Variants in CDV3 observed in about 807,000 individuals in gnomAD.
The protein encoded by CDV3 is CDV3 homolog.
CDV3 carries 14 observed loss-of-function variants against 24.5 expected under a neutral mutation model. The observed-to-expected ratio is 0.57, with a 90% CI of 0.38 to 0.89. CDV3 has a LOEUF of 0.89. Among genes scored for constraint, CDV3 ranks in the 40% least tolerant of loss-of-function variants. The probability of loss-of-function intolerance (pLI) is 0.00; values close to 1 mark genes in which losing one functional copy is unlikely to be tolerated. For synonymous variants in CDV3, 114 were observed against 114.1 expected (o/e 1.00, Z 0.00); for missense variants, 304 against 310.2 (o/e 0.98, Z 0.15).
At chr3:133,575,294 C>T (rs1396748811) in intron 2 of CDV3, among the ~76,000 whole-genome samples, 179 bp downstream of exon 2, 1 of 152,202 alleles carries the variant, frequency 6.6e-6, no homozygotes, top group Non-Finnish European at 1.5e-5. Flanking sequence ...CTTCCGTGTG[C>T]TCATGAAATT....
intron 1 of CDV3, 155 bp downstream of exon 1, chr3:133,574,439 G>A: frequency 2.0e-6 from 2 of 985,572 alleles, no homozygotes; most frequent in Non-Finnish European, 1.2e-6. Context: ...ACCTCGGGCT[G>A]GGCTCGCCAG....
At position 133,584,083 on chromosome 3, in the gene CDV3, T is replaced by A; in HGVS notation, c.399T>A (p.Gly133=). ...AAGAAGGTGGAGGTGGTGGTGGAGG[T>A]ATGGAAAAATCTTCAGGTCCCTGGA... The part of the protein sequence containing the change: ...NWEEGGGGGG[G]MEKSSGPWNK... Residue 133 remains glycine (G), a synonymous_variant, in exon 3 of 5, where the codon GGT becomes GGA. Coordinates refer to ENST00000264993, the MANE Select transcript of CDV3 (RefSeq NM_017548.5). 1 of 1,611,282 alleles carries A rather than the reference T, an allele frequency of 6.2e-7. No homozygotes were observed. The highest frequency in any genetic ancestry group is 8.5e-7 in the Non-Finnish European group (1 of 1,177,702).
chr3:133,580,189 C>T (rs1241908737), intron 2 of CDV3, among the ~76,000 whole-genome samples: 1 of 150,766 alleles, frequency 6.6e-6, no homozygotes, highest in African/African-American at 2.4e-5. Flanking sequence ...TCTCATTGTT[C>T]AACTCCCACT....
chr3:133,584,639 CAG>C (rs969152362), intron 3 of CDV3, among the ~76,000 whole-genome samples: 19 of 152,128 alleles, frequency 1.2e-4, no homozygotes, highest in African/African-American at 4.1e-4. Flanking sequence ...TGAGTAAAGA[CAG>C]AAAGACAAGG....
At chr3:133,586,408 C>G (rs1028376001) in intron 3 of CDV3, among the ~76,000 whole-genome samples, 155 bp from the exon 4 acceptor site, 3 of 152,336 alleles carry the variant, frequency 2.0e-5, no homozygotes, top group Admixed American at 1.3e-4. Flanking sequence ...TTTTCACTTT[C>G]AGACATTTTC....
intron 2 of CDV3, among the ~76,000 whole-genome samples, chr3:133,579,753 T>C (rs1026899610): frequency 6.6e-6 from 1 of 152,094 alleles, no homozygotes; most frequent in Admixed American, 6.6e-5. Flanking sequence ...CCACCACGCC[T>C]AGCTAATTTT....
At chr3:133,574,664 C>T in intron 1 of CDV3, 1 of 1,030,606 alleles carries the variant, frequency 9.7e-7, no homozygotes, top group Non-Finnish European at 1.2e-6. Flanking sequence ...TCGCTTTCAG[C>T]AGCCGCATTT....
chr3:133,587,642 G>A, intron 4 of CDV3: 1 of 1,181,964 alleles, frequency 8.5e-7, no homozygotes, highest in Non-Finnish European at 1.0e-6. Context: ...TTTTCTTCAA[G>A]TTTGTCCTGA....
Position 133,574,178 on chromosome 3 carries a change from C to T in CDV3, c.134C>T (p.Ala45Val), listed in dbSNP as rs755927202. The T allele has an allele frequency of 2.0e-5, 21 of 1,039,352 alleles. No homozygotes were observed. The highest frequency in any genetic ancestry group is 2.4e-5 in the Non-Finnish European group (21 of 868,438). The allele number at this position is 1,039,352 out of a possible 1,614,324, so 64.4% of individuals were successfully genotyped here. A position where few individuals can be genotyped will look rare whatever the true frequency, so the allele number is the denominator to read the frequency against. The change falls in exon 1 of 5, where the codon GCG becomes GTG. Residue 45 changes from alanine to valine, a missense_variant. By Grantham distance (64) the Ala-to-Val change is moderately conservative. Coordinates refer to ENST00000264993, the MANE Select transcript of CDV3 (RefSeq NM_017548.5). ...AGSAGGSSGAAGAAGGGAGAG... is the reference protein window; with the variant it reads ...AGSAGGSSGAVGAAGGGAGAG... ...AGCGCCGGCGGAAGCAGTGGAGCCG[C>T]GGGTGCGGCGGGCGGCGGGGCGGGC... is the stretch of plus-strand genomic sequence containing the variant.
intron 2 of CDV3, among the ~76,000 whole-genome samples, chr3:133,575,785 T>G (rs866496206): frequency 2.6e-5 from 4 of 152,244 alleles, no homozygotes; most frequent in Non-Finnish European, 5.9e-5. Flanking sequence ...GTTTAGAAGA[T>G]TTGAAATTAA....
chr3:133,580,473 C>T (rs912190395), intron 2 of CDV3, among the ~76,000 whole-genome samples: 11 of 152,280 alleles, frequency 7.2e-5, no homozygotes, highest in African/African-American at 2.6e-4. Context: ...GAGGCTGAGG[C>T]AGGTGGATTA....
rs78124180 is a variant in CDV3, at chr3:133,574,746, G to A, written c.241-293G>A. On this transcript the variant is annotated intron_variant, in intron 1 of 4. Coordinates refer to ENST00000264993, the MANE Select transcript of CDV3 (RefSeq NM_017548.5). The stretch of plus-strand genomic sequence containing the variant: ...AAAGAAAACTCTCGGTGGCAAGGTT[G>A]AAGTAGAAATGTAGTTGTGAAATTC... 2.3e-3 allele frequency: 2,551 copies of A among 1,098,100 alleles called. 2 individuals carry two copies. Among genetic ancestry groups the A allele is most frequent in the Non-Finnish European group, 2.7e-3 (2,406 of 897,294 alleles). 68.0% of individuals were successfully genotyped at this position (1,098,100 alleles called of 1,614,324 possible).
In CDV3 at chr3:133,574,870, T is replaced by TCCTCCATTTAGCCTAGTTTGC. The variant is rs1159097101; in HGVS notation, c.241-166_241-146dup. 7 of 728,826 alleles carry TCCTCCATTTAGCCTAGTTTGC rather than the reference T, an allele frequency of 9.6e-6. No individual in the cohort carries two copies. In the East Asian group the frequency reaches 2.1e-4, roughly 22 times the overall value. The allele number at this position is 728,826 out of a possible 1,614,324, so 45.1% of individuals were successfully genotyped here. ...TAGTGTTAGCCTACGAGCATGTTTG[T>TCCTCCATTTAGCCTAGTTTGC]CCTCCATTTAGCCTAGTTTGCCCCA... On this transcript the variant is annotated intron_variant, in intron 1 of 4. Transcript: ENST00000264993.
intron 2 of CDV3, among the ~76,000 whole-genome samples, chr3:133,578,483 T>C (rs113701811): frequency 0.014 from 2,117 of 152,334 alleles, 41 homozygotes; most frequent in African/African-American, 0.049. Context: ...CAAATACTTA[T>C]GTGACTACTC....
intron 3 of CDV3, among the ~76,000 whole-genome samples, chr3:133,584,440 T>C (rs1047475908): frequency 6.6e-6 from 1 of 152,216 alleles, no homozygotes; most frequent in African/African-American, 2.4e-5. Context: ...TCTTCTAATA[T>C]TCTCGTTAAA....
chr3:133,574,363 A>C (rs1267770672), intron 1 of CDV3, 79 bp downstream of exon 1: 8 of 911,098 alleles, frequency 8.8e-6, no homozygotes, highest in Non-Finnish European at 1.0e-5. Context: ...CTGCCGGGGA[A>C]GCGTCCGGGA....
intron 4 of CDV3, chr3:133,587,432 T>A: frequency 3.4e-6 from 4 of 1,168,852 alleles, no homozygotes; most frequent in Non-Finnish European, 4.2e-6. Flanking sequence ...GGGCAGTGAT[T>A]CACCACACTC....
chr3:133,581,454 A>C (rs923584946), intron 2 of CDV3, among the ~76,000 whole-genome samples: 2 of 152,338 alleles, frequency 1.3e-5, no homozygotes, highest in Admixed American at 1.3e-4. Context: ...TTGTTTTTAG[A>C]AATTTTTTTG....
In CDV3 at chr3:133,588,379, A is replaced by C; in HGVS notation, c.*333A>C. 6.5e-7 allele frequency: 1 copy of C among 1,535,624 alleles called. No homozygotes were observed. The highest frequency in any genetic ancestry group is 1.2e-5 in the South Asian group (1 of 84,052). ...TACTGAGCCTTCATAAGGGTTGACT[A>C]CCTCAGATTTGCTGCACTCATTGTG... On this transcript the variant is annotated 3_prime_UTR_variant, in exon 5 of 5. Coordinates refer to ENST00000264993, the MANE Select transcript of CDV3 (RefSeq NM_017548.5).
Sources: gnomAD v4.1 joint callset for allele counts (sites outside exome capture counted in the v4.1 genomes callset) on GRCh38, gnomAD v4.1.1 for gene constraint, MANE v1.5 for transcripts, NCBI Gene and HGNC (gene_info 2026-07-23, HGNC 2026-07-21) for gene names.